DOCK3: variants seen among roughly 807,000 people sequenced by gnomAD.
DOCK3 encodes dedicator of cytokinesis 3.
DOCK3 carries 60 observed loss-of-function variants against 265.6 expected under a neutral mutation model. The ratio of observed to expected loss-of-function variants is 0.23; its 90% CI spans 0.18 to 0.28. The LOEUF (loss-of-function observed/expected upper bound fraction) is 0.28. Ranked by LOEUF, DOCK3 falls within the 10% of genes least tolerant of loss-of-function variation. The probability of loss-of-function intolerance (pLI) is 1.00; values close to 1 mark genes in which losing one functional copy is unlikely to be tolerated. For missense variants in DOCK3, 1,981 were observed against 2,594.3 expected (o/e 0.76, Z 5.14); for synonymous variants, 881 against 938.0 (o/e 0.94, Z 1.11).
At chr3:51,330,267 T>C (rs1486615074) in intron 33 of DOCK3, 44 bp downstream of exon 33, 2 of 1,545,458 alleles carry the variant, frequency 1.3e-6, no homozygotes, top group Admixed American at 1.9e-5. Context: ...GGGGATGGGA[T>C]GAAGTGGGCC....
chr3:51,373,640 T>C (rs2110520546), intron 49 of DOCK3, among the ~76,000 whole-genome samples: 1 of 152,348 alleles, frequency 6.6e-6, no homozygotes, highest in Non-Finnish European at 1.5e-5. Context: ...ACATGTGGCA[T>C]GGTGTGGCCT....
chr3:50,731,331 C>G (rs977492008), intron 1 of DOCK3, among the ~76,000 whole-genome samples: 1 of 152,078 alleles, frequency 6.6e-6, no homozygotes, highest in Non-Finnish European at 1.5e-5. Flanking sequence ...TACATTTGTT[C>G]AAGTCCATAG....
At chr3:50,804,111 G>A (rs948551660) in intron 2 of DOCK3, among the ~76,000 whole-genome samples, 1 of 151,506 alleles carries the variant, frequency 6.6e-6, no homozygotes, top group Non-Finnish European at 1.5e-5. Flanking sequence ...GGGGCGGCGG[G>A]GCAGAGGCGC....
chr3:51,258,848 T>G (rs766371820), intron 22 of DOCK3, among the ~76,000 whole-genome samples: 4 of 152,120 alleles, frequency 2.6e-5, no homozygotes, highest in Non-Finnish European at 4.4e-5. Flanking sequence ...GTTTGGAAAA[T>G]GCAAACATTT....
intron 3 of DOCK3, among the ~76,000 whole-genome samples, chr3:50,846,818 T>A (rs1426961729): frequency 6.6e-6 from 1 of 152,168 alleles, no homozygotes; most frequent in Non-Finnish European, 1.5e-5. Context: ...GTGTTCCTAA[T>A]GGTGTTTGAG....
At chr3:50,728,926 G>A (rs1447287050) in intron 1 of DOCK3, among the ~76,000 whole-genome samples, 4 of 149,602 alleles carry the variant, frequency 2.7e-5, no homozygotes, top group Non-Finnish European at 5.9e-5. Context: ...GTTTCACCAT[G>A]TTGGCCATGC....
At chr3:51,355,867 T>A (rs888349582) in intron 41 of DOCK3, among the ~76,000 whole-genome samples, 13 of 152,126 alleles carry the variant, frequency 8.5e-5, no homozygotes, top group African/African-American at 2.9e-4. Flanking sequence ...TGAGTGCTCA[T>A]GAAACTCAAC....
chr3:51,199,951 C>T (rs2088607117), intron 12 of DOCK3, among the ~76,000 whole-genome samples: 1 of 152,190 alleles, frequency 6.6e-6, no homozygotes, highest in Non-Finnish European at 1.5e-5. Flanking sequence ...TAGCAAACTC[C>T]AACAGACCTG....
chr3:51,292,712 CTG>C (rs1279122255), intron 27 of DOCK3, among the ~76,000 whole-genome samples: 11 of 152,300 alleles, frequency 7.2e-5, no homozygotes, highest in Non-Finnish European at 1.3e-4. Context: ...GGGCCTCCCT[CTG>C]TCTCCCAGAC....
At chr3:51,246,326 G>A (rs2078841900) in intron 21 of DOCK3, among the ~76,000 whole-genome samples, 2 of 148,370 alleles carry the variant, frequency 1.3e-5, no homozygotes, top group Non-Finnish European at 1.5e-5. Flanking sequence ...TTTACCTCCT[G>A]GGCTCAGTTG....
At chr3:51,139,255 G>A (rs1403611090) in intron 9 of DOCK3, among the ~76,000 whole-genome samples, 1 of 125,780 alleles carries the variant, frequency 8.0e-6, no homozygotes, top group Admixed American at 7.4e-5. Flanking sequence ...CAACTGCAGT[G>A]GGGGGAGGGC....
intron 5 of DOCK3, among the ~76,000 whole-genome samples, chr3:51,030,393 A>G (rs984179526): frequency 3.3e-5 from 5 of 152,102 alleles, no homozygotes; most frequent in East Asian, 1.9e-4. Context: ...CTCTTCCCCT[A>G]TAGAGTGCTC....
intron 1 of DOCK3, among the ~76,000 whole-genome samples, chr3:50,749,255 A>T (rs912246615): frequency 1.3e-5 from 2 of 152,212 alleles, no homozygotes; most frequent in Non-Finnish European, 2.9e-5. Context: ...CAAATTTAGC[A>T]TTTAATATTT....
At chr3:51,104,533 G>T (rs2083203547) in intron 9 of DOCK3, among the ~76,000 whole-genome samples, 1 of 152,148 alleles carries the variant, frequency 6.6e-6, no homozygotes, top group African/African-American at 2.4e-5. Flanking sequence ...TATCAGGAGA[G>T]ATTGGGTTTG....
In DOCK3 at chr3:50,854,592, G is replaced by GTTTTTTTTTTTTTTTTTTTTTTTTTTT. The variant is rs71084118; in HGVS notation, c.162+12895_162+12896insTTTTTTTTTTTTTTTTTTTTTTTTTTT. On this transcript the variant is annotated intron_variant, in intron 3 of 52. Coordinates refer to ENST00000266037, the MANE Select transcript of DOCK3 (RefSeq NM_004947.5). ...GCTACAGATGAGCACCATCACACCA[G>GTTTTTTTTTTTTTTTTTTTTTTTTTTT]TTTTTTTTTTTTTTTTTTGGTGGTC... 6.4e-5 allele frequency among the ~76,000 whole-genome samples: 3 copies of GTTTTTTTTTTTTTTTTTTTTTTTTTTT among 47,214 alleles called. 1 individual carries two copies. Among genetic ancestry groups the GTTTTTTTTTTTTTTTTTTTTTTTTTTT allele is most frequent in the Admixed American group, 3.7e-4 (1 of 2,704 alleles). 31.0% of individuals were successfully genotyped at this position (47,214 alleles called of 152,430 possible).
At chr3:51,373,657 C>G (rs1189768126) in intron 49 of DOCK3, among the ~76,000 whole-genome samples, 1 of 152,242 alleles carries the variant, frequency 6.6e-6, no homozygotes, top group Non-Finnish European at 1.5e-5. Context: ...GCCTCCATAA[C>G]AGTCCCTCAG....
intron 4 of DOCK3, among the ~76,000 whole-genome samples, chr3:50,911,141 C>T (rs775668023): frequency 2.6e-5 from 4 of 151,990 alleles, no homozygotes; most frequent in Non-Finnish European, 5.9e-5. Flanking sequence ...CCTCTTTATC[C>T]GTGCAGAAGC....
intron 5 of DOCK3, among the ~76,000 whole-genome samples, chr3:50,938,008 T>G (rs915012956): frequency 1.3e-5 from 2 of 152,074 alleles, no homozygotes; most frequent in African/African-American, 4.8e-5. Flanking sequence ...TATATGATGA[T>G]GTAGGGAGGC....
At position 51,160,642 on chromosome 3, in the gene DOCK3, A is replaced by G. The variant is rs770812278; in HGVS notation, c.977A>G (p.Asp326Gly). ...GGCTGTGCGGTCCTAAGCATCTTGG[A>G]TGTCCTACAGTCACTCACAGAAGTA... ...PYGCAVLSIL[D>G]VLQSLTEVKE... Residue 326 changes from aspartate (D) to glycine (G), a missense_variant, in exon 12 of 53, where the codon GAT (aspartate) becomes GGT (glycine). This residue lies in a region of DOCK3 where 456 missense variants were observed against 539.0 expected (regional missense o/e 0.85). Transcript: ENST00000266037. The G allele has an allele frequency of 2.5e-6, 4 of 1,613,208 alleles. No homozygotes were observed. Among genetic ancestry groups the G allele is most frequent in the African/African-American group, 1.3e-5 (1 of 75,054 alleles).
Sources: gnomAD v4.1 joint callset for allele counts (sites outside exome capture counted in the v4.1 genomes callset) on GRCh38, gnomAD v4.1.1 for gene constraint, gnomAD v4.1.1 regional missense constraint, MANE v1.5 for transcripts, NCBI Gene and HGNC (gene_info 2026-07-23, HGNC 2026-07-21) for gene names.